KCNIP4: variants seen among roughly 807,000 people sequenced by gnomAD.
KCNIP4 encodes the protein potassium voltage-gated channel interacting protein 4.
A neutral mutation model predicts 34.0 loss-of-function variants in KCNIP4; 12 were observed. That is an observed-to-expected ratio of 0.35 (90% CI 0.23 to 0.57). The LOEUF (loss-of-function observed/expected upper bound fraction) is 0.57. Among genes scored for constraint, KCNIP4 ranks in the 20% least tolerant of loss-of-function variants. The pLI is 0.83. For synonymous variants in KCNIP4, 124 were observed against 102.2 expected, an observed-to-expected ratio of 1.21 and a Z score of -1.29; for missense variants, 238 against 311.7, an observed-to-expected ratio of 0.76 and a Z score of 1.78.
intron 1 of KCNIP4, among the ~76,000 whole-genome samples, chr4:21,224,193 C>T (rs1306329082): frequency 1.3e-5 from 2 of 152,028 alleles, no homozygotes; most frequent in Admixed American, 6.6e-5. Flanking sequence ...ATCACAGAAT[C>T]GGCAGTTTAA....
intron 1 of KCNIP4, among the ~76,000 whole-genome samples, chr4:21,294,647 C>G (rs1192928497): frequency 6.6e-6 from 1 of 152,076 alleles, no homozygotes; most frequent in East Asian, 1.9e-4. Flanking sequence ...AATGATCACT[C>G]TATTATAGAT....
chr4:21,879,178 T>A (rs1382084423), intron 1 of KCNIP4, among the ~76,000 whole-genome samples: 1 of 152,160 alleles, frequency 6.6e-6, no homozygotes, highest in African/African-American at 2.4e-5. Context: ...GTCCGCTTTT[T>A]AAAAAAATTG....
chr4:21,394,235 G>T (rs2109526026), intron 1 of KCNIP4, among the ~76,000 whole-genome samples: 1 of 152,164 alleles, frequency 6.6e-6, no homozygotes, highest in Non-Finnish European at 1.5e-5. Context: ...TATATAAGAA[G>T]GAAAAATATA....
chr4:21,419,736 C>CT (rs1347248406), intron 1 of KCNIP4, among the ~76,000 whole-genome samples: 1 of 151,962 alleles, frequency 6.6e-6, no homozygotes, highest in Admixed American at 6.6e-5. Context: ...TTCTATTAGG[C>CT]TTTGCTCCCT....
intron 2 of KCNIP4, among the ~76,000 whole-genome samples, chr4:20,879,046 A>G (rs538272413): frequency 6.6e-6 from 1 of 152,274 alleles, no homozygotes; most frequent in South Asian, 2.1e-4. Flanking sequence ...TGAGTGCTAC[A>G]GAGTGATGGT....
chr4:21,068,595 T>C (rs1744619568), intron 1 of KCNIP4, among the ~76,000 whole-genome samples: 1 of 152,188 alleles, frequency 6.6e-6, no homozygotes, highest in Non-Finnish European at 1.5e-5. Flanking sequence ...ACTTTCTCTC[T>C]CTCTGCATAT....
At chr4:21,028,074 T>G (rs1740701242) in intron 1 of KCNIP4, among the ~76,000 whole-genome samples, 1 of 152,192 alleles carries the variant, frequency 6.6e-6, no homozygotes, top group Non-Finnish European at 1.5e-5. Context: ...AGTGCCATCC[T>G]TTCAGTCATT....
intron 1 of KCNIP4, among the ~76,000 whole-genome samples, chr4:21,571,303 C>T (rs1023581519): frequency 5.3e-5 from 8 of 152,134 alleles, no homozygotes; most frequent in East Asian, 1.9e-4. Flanking sequence ...TCACAGAGGG[C>T]GCATCTGGGT....
At chr4:21,017,574 C>T (rs1383388443) in intron 1 of KCNIP4, among the ~76,000 whole-genome samples, 1 of 152,136 alleles carries the variant, frequency 6.6e-6, no homozygotes, top group Non-Finnish European at 1.5e-5. Context: ...ACCACATTTT[C>T]TTTATCCAGT....
chr4:21,355,257 C>A (rs2109388656), intron 1 of KCNIP4, among the ~76,000 whole-genome samples: 1 of 151,986 alleles, frequency 6.6e-6, no homozygotes, highest in East Asian at 1.9e-4. Context: ...GAAGCAAGAG[C>A]AAACAAATTC....
In KCNIP4 at chr4:21,306,909, G is replaced by A. The variant is rs185860528; in HGVS notation, c.62-424200C>T. On this transcript the variant is annotated intron_variant, in intron 1 of 8. Coordinates refer to ENST00000382152, the MANE Select transcript of KCNIP4 (RefSeq NM_025221.6). ...GCGATCTCGGCTCACCGCAACCTCC[G>A]TCTCCTGGGTTCAAGCAATTCTCCT... Among the ~76,000 whole-genome samples the A allele has an allele frequency of 3.3e-5, 5 of 151,688 alleles. 1 individual carries two copies. The highest frequency in any genetic ancestry group is 9.7e-5 in the African/African-American group (4 of 41,314).
chr4:21,001,833 G>C (rs1000148354), intron 1 of KCNIP4, among the ~76,000 whole-genome samples: 2 of 152,196 alleles, frequency 1.3e-5, no homozygotes, highest in East Asian at 3.8e-4. Context: ...TCTGACTGCT[G>C]TAAGACCCTC....
chr4:20,878,155 T>G (rs1332506365), intron 2 of KCNIP4, among the ~76,000 whole-genome samples: 1 of 152,168 alleles, frequency 6.6e-6, no homozygotes, highest in Admixed American at 6.5e-5. Flanking sequence ...TGTTTCTATG[T>G]GCCTCAGTTT....
chr4:21,591,855 C>T (rs922425884), intron 1 of KCNIP4, among the ~76,000 whole-genome samples: 2 of 152,056 alleles, frequency 1.3e-5, no homozygotes, highest in African/African-American at 2.4e-5. Context: ...TTCTCAAAGG[C>T]ACCTTTTAAC....
chr4:21,781,460 G>A (rs911010816), intron 1 of KCNIP4, among the ~76,000 whole-genome samples: 1 of 151,944 alleles, frequency 6.6e-6, no homozygotes, highest in Non-Finnish European at 1.5e-5. Context: ...GAGGTACTGG[G>A]GATTAGGTTT....
At chr4:21,100,455 AG>A (rs533080109) in intron 1 of KCNIP4, among the ~76,000 whole-genome samples, 19 of 152,184 alleles carry the variant, frequency 1.2e-4, no homozygotes, top group Non-Finnish European at 2.4e-4. Context: ...TGGGAGACTG[AG>A]GTGGGAGAAT....
At chr4:21,830,995 C>T (rs1278211125) in intron 1 of KCNIP4, among the ~76,000 whole-genome samples, 2 of 152,078 alleles carry the variant, frequency 1.3e-5, no homozygotes, top group Non-Finnish European at 2.9e-5. Context: ...AAATCAATAA[C>T]AGGAGAAATC....
rs188764826 is a variant in KCNIP4 at position 21,194,066 on chromosome 4, A to G, written c.62-311357T>C. 1.4e-3 allele frequency among the ~76,000 whole-genome samples: 219 copies of G among 152,282 alleles called. 1 individual carries two copies. The highest frequency in any genetic ancestry group is 4.6e-3 in the African/African-American group (193 of 41,568). ...AGAGAAATTTCAAAGATTATGAACAATAGAATGGCACTAAAGACACTTTTA... is the reference window on the plus strand; with the variant it reads ...AGAGAAATTTCAAAGATTATGAACAGTAGAATGGCACTAAAGACACTTTTA... On this transcript the variant is annotated intron_variant, in intron 1 of 8. Transcript: ENST00000382152.
At chr4:21,506,557 C>G (rs10016438) in intron 1 of KCNIP4, among the ~76,000 whole-genome samples, 6,814 of 152,270 alleles carry the variant, frequency 0.045, 479 homozygotes, top group African/African-American at 0.15. Context: ...ATATTTATTC[C>G]TGTCACATCC....
Sources: gnomAD v4.1 joint callset for allele counts (sites outside exome capture counted in the v4.1 genomes callset) on GRCh38, gnomAD v4.1.1 for gene constraint, MANE v1.5 for transcripts, NCBI Gene and HGNC (gene_info 2026-07-23, HGNC 2026-07-21) for gene names.